Variants in LRRC4C observed in about 807,000 individuals in gnomAD.
The protein encoded by LRRC4C is leucine rich repeat containing 4C.
LRRC4C carries 5 observed loss-of-function variants against 33.6 expected under a neutral mutation model. The ratio of observed to expected loss-of-function variants is 0.15; its 90% CI spans 0.08 to 0.31. The LOEUF is 0.31. Ranked by LOEUF, LRRC4C falls within the 10% of genes least tolerant of loss-of-function variation. LRRC4C has a pLI of 1.00. For synonymous variants in LRRC4C, 329 were observed against 302.0 expected (o/e 1.09, Z -0.93); for missense variants, 560 against 796.7 (o/e 0.70, Z 3.58).
chr11:40,417,875 C>A (rs1387938795), intron 3 of LRRC4C, among the ~76,000 whole-genome samples: 1 of 152,128 alleles, frequency 6.6e-6, no homozygotes, highest in Non-Finnish European at 1.5e-5. Context: ...ATGGTAAAAG[C>A]CAAATCTAAT....
chr11:41,412,209 T>C (rs1333282831), intron 1 of LRRC4C, among the ~76,000 whole-genome samples: 2 of 152,170 alleles, frequency 1.3e-5, no homozygotes, highest in East Asian at 1.9e-4. Context: ...CGTCACTCAC[T>C]GATTCATCAA....
intron 1 of LRRC4C, among the ~76,000 whole-genome samples, chr11:41,013,516 T>C (rs934723561): frequency 2.0e-5 from 3 of 152,208 alleles, no homozygotes; most frequent in Admixed American, 1.3e-4. Context: ...GACACTGTCT[T>C]ACAGTCTTCA....
At chr11:40,805,713 A>G (rs750347353) in intron 2 of LRRC4C, among the ~76,000 whole-genome samples, 2 of 152,166 alleles carry the variant, frequency 1.3e-5, no homozygotes, top group Non-Finnish European at 2.9e-5. Context: ...ACAAAAAAAC[A>G]CAGATATATC....
At chr11:41,287,663 A>G (rs920651040) in intron 1 of LRRC4C, among the ~76,000 whole-genome samples, 4 of 152,124 alleles carry the variant, frequency 2.6e-5, no homozygotes, top group African/African-American at 9.7e-5. Context: ...GATAAAACAG[A>G]GTTTTTAATC....
At chr11:41,141,847 AT>A (rs969586864) in intron 1 of LRRC4C, among the ~76,000 whole-genome samples, 2 of 152,168 alleles carry the variant, frequency 1.3e-5, no homozygotes, top group Non-Finnish European at 2.9e-5. Context: ...GACTAATACA[AT>A]CCTCACATAT....
At chr11:41,321,336 T>TAAAAA (rs879305357) in intron 1 of LRRC4C, among the ~76,000 whole-genome samples, 1 of 149,506 alleles carries the variant, frequency 6.7e-6, no homozygotes, top group Admixed American at 6.7e-5. Flanking sequence ...CAATTCTACC[T>TAAAAA]AAAAAAAAAA....
intron 3 of LRRC4C, among the ~76,000 whole-genome samples, chr11:40,481,740 T>G (rs913352498): frequency 6.6e-6 from 1 of 152,184 alleles, no homozygotes; most frequent in Non-Finnish European, 1.5e-5. Flanking sequence ...GTTATGTTCT[T>G]TTATTTTTGG....
At chr11:41,296,126 G>A (rs1950134619) in intron 1 of LRRC4C, among the ~76,000 whole-genome samples, 1 of 152,134 alleles carries the variant, frequency 6.6e-6, no homozygotes, top group East Asian at 1.9e-4. Flanking sequence ...ATTTTACTAT[G>A]AATTGGCAAA....
intron 2 of LRRC4C, among the ~76,000 whole-genome samples, chr11:40,710,011 C>A (rs1946380192): frequency 6.6e-6 from 1 of 152,104 alleles, no homozygotes; most frequent in African/African-American, 2.4e-5. Flanking sequence ...GCATCACGTA[C>A]TTCCCATGCC....
intron 2 of LRRC4C, among the ~76,000 whole-genome samples, chr11:40,707,452 C>T (rs59868801): frequency 0.016 from 2,502 of 152,270 alleles, 65 homozygotes; most frequent in African/African-American, 0.057. Flanking sequence ...GCCTTTTCTG[C>T]ACCTATTGAG....
chr11:40,863,196 C>T (rs535026319), intron 2 of LRRC4C, among the ~76,000 whole-genome samples: 21 of 152,220 alleles, frequency 1.4e-4, no homozygotes, highest in Middle Eastern at 3.4e-3. Context: ...CTCATTGGTC[C>T]AACAACAAAG....
At chr11:41,414,532 TG>T (rs1248104186) in intron 1 of LRRC4C, among the ~76,000 whole-genome samples, 1 of 152,056 alleles carries the variant, frequency 6.6e-6, no homozygotes, top group Non-Finnish European at 1.5e-5. Flanking sequence ...AAGGTAAAAA[TG>T]GCTCTTTTTT....
intron 1 of LRRC4C, among the ~76,000 whole-genome samples, chr11:41,272,752 TCTTA>T (rs1425541191): frequency 2.0e-5 from 3 of 152,190 alleles, no homozygotes; most frequent in Admixed American, 6.6e-5. Flanking sequence ...TATTTCCCCT[TCTTA>T]CTTAGCTGAC....
intron 1 of LRRC4C, among the ~76,000 whole-genome samples, chr11:41,400,899 C>T (rs554132827): frequency 6.6e-6 from 1 of 151,898 alleles, no homozygotes; most frequent in Admixed American, 6.6e-5. Flanking sequence ...TCCCCTGTTC[C>T]CATAAAATGC....
intron 3 of LRRC4C, among the ~76,000 whole-genome samples, chr11:40,504,443 G>C: frequency 6.9e-6 from 1 of 145,420 alleles, no homozygotes; most frequent in East Asian, 2.0e-4. Flanking sequence ...CAGATGAACA[G>C]AATATGAACA....
At chr11:41,376,540 A>C (rs1486485123) in intron 1 of LRRC4C, among the ~76,000 whole-genome samples, 1 of 152,206 alleles carries the variant, frequency 6.6e-6, no homozygotes, top group Non-Finnish European at 1.5e-5. Context: ...TAAACATTAG[A>C]AATACATAAA....
At chr11:40,271,017 A>G (rs949836076) in intron 4 of LRRC4C, among the ~76,000 whole-genome samples, 1 of 152,214 alleles carries the variant, frequency 6.6e-6, no homozygotes. Flanking sequence ...GGGTGTTGCC[A>G]CAAAAGTTGC....
intron 2 of LRRC4C, among the ~76,000 whole-genome samples, chr11:40,750,360 C>T (rs1948622578): frequency 6.6e-6 from 1 of 151,920 alleles, no homozygotes; most frequent in African/African-American, 2.4e-5. Flanking sequence ...TCTATGAAGC[C>T]AGCATTACCC....
chr11:41,055,685 G>A (rs562297993), intron 1 of LRRC4C, among the ~76,000 whole-genome samples: 2 of 152,168 alleles, frequency 1.3e-5, no homozygotes, highest in South Asian at 2.1e-4. Flanking sequence ...TGTAAAGGGG[G>A]TTGAATTTAT....
Sources: gnomAD v4.1 joint callset for allele counts (sites outside exome capture counted in the v4.1 genomes callset) on GRCh38, gnomAD v4.1.1 for gene constraint, MANE v1.5 for transcripts, NCBI Gene and HGNC (gene_info 2026-07-23, HGNC 2026-07-21) for gene names.